Variants in ITPRIP observed in about 807,000 individuals in gnomAD.
ITPRIP encodes the protein inositol 1,4,5-trisphosphate receptor interacting protein.
In ITPRIP, 32 loss-of-function variants were observed where a neutral mutation model predicts 35.8. That is an observed-to-expected ratio of 0.89 (90% CI 0.68 to 1.20). ITPRIP has a LOEUF of 1.20. Ranked by LOEUF, ITPRIP falls within the 50% of genes most tolerant of loss-of-function variation. ITPRIP has a pLI of 0.00. For synonymous variants in ITPRIP, 358 were observed against 324.0 expected (o/e 1.11, Z -1.13); for missense variants, 653 against 735.6 (o/e 0.89, Z 1.30).
At chr10:104,327,209 C>A (rs942587471) in intron 1 of ITPRIP, among the ~76,000 whole-genome samples, 1 of 152,106 alleles carries the variant, frequency 6.6e-6, no homozygotes, top group Admixed American at 6.6e-5. Flanking sequence ...GAATCTCTCT[C>A]GTGTGCTGGC....
chr10:104,319,964 C>A (rs1423706972), intron 1 of ITPRIP, among the ~76,000 whole-genome samples: 1 of 152,108 alleles, frequency 6.6e-6, no homozygotes, highest in Non-Finnish European at 1.5e-5. Flanking sequence ...CAATAAGATA[C>A]CGAATTTCAA....
intron 1 of ITPRIP, among the ~76,000 whole-genome samples, chr10:104,329,445 C>T (rs768991587): frequency 2.0e-5 from 3 of 152,234 alleles, no homozygotes; most frequent in African/African-American, 7.2e-5. Flanking sequence ...GTCACAGGGA[C>T]GGAGCAATAA....
chr10:104,313,214 G>T lies in ITPRIP; in HGVS notation c.*1194C>A, dbSNP rs1181257075. 4 of 985,540 alleles carry T rather than the reference G, an allele frequency of 4.1e-6. No homozygotes were observed. Among genetic ancestry groups the T allele is most frequent in the Non-Finnish European group, 4.8e-6 (4 of 830,040 alleles). The allele number at this position is 985,540 out of a possible 1,614,324, so 61.0% of individuals were successfully genotyped here. Reference sequence around the variant, plus strand: ...CCCTGCCCTAGGATTGGGACCCTGAGGACAACCTGGGGCTATGACATCCTT... The same window carrying T: ...CCCTGCCCTAGGATTGGGACCCTGATGACAACCTGGGGCTATGACATCCTT... On this transcript the variant is annotated 3_prime_UTR_variant, in exon 2 of 2. Transcript: ENST00000337478.
chr10:104,331,962 T>C (rs2014158909), intron 1 of ITPRIP, among the ~76,000 whole-genome samples: 1 of 152,208 alleles, frequency 6.6e-6, no homozygotes, highest in Admixed American at 6.5e-5. Flanking sequence ...TGTGGGATTC[T>C]TTATGCCATC....
chr10:104,312,697 G>A lies in ITPRIP; in HGVS notation c.*1711C>T, dbSNP rs276208. On this transcript the variant is annotated 3_prime_UTR_variant, in exon 2 of 2. Transcript: ENST00000337478. Reference sequence around the variant, plus strand: ...TGATCACAGCCGAGCTGCCCCACCAGGAATTAACCCTGGTGGGCAAAGGGT... The same window carrying A: ...TGATCACAGCCGAGCTGCCCCACCAAGAATTAACCCTGGTGGGCAAAGGGT... The A allele has an allele frequency of 9.7e-3, 9,513 of 985,280 alleles. 748 individuals are homozygous for A. The African/African-American group carries it at 0.16, about 16-fold the overall frequency. The allele number at this position is 985,280 out of a possible 1,614,324, so 61.0% of individuals were successfully genotyped here. A position where few individuals can be genotyped will look rare whatever the true frequency, so the allele number is the denominator to read the frequency against.
intron 1 of ITPRIP, among the ~76,000 whole-genome samples, chr10:104,318,989 T>G (rs2013767718): frequency 6.6e-6 from 1 of 152,224 alleles, no homozygotes; most frequent in Non-Finnish European, 1.5e-5. Flanking sequence ...TACAAGGAAC[T>G]CTGGCAGGAT....
At position 104,313,712 on chromosome 10, in the gene ITPRIP, G is replaced by A. The variant is rs1213004127; in HGVS notation, c.*696C>T. The A allele has an allele frequency of 8.1e-6, 8 of 985,326 alleles. No individual in the cohort carries two copies. The highest frequency in any genetic ancestry group is 8.4e-6 in the Non-Finnish European group (7 of 829,966). The allele number at this position is 985,326 out of a possible 1,614,324, so 61.0% of individuals were successfully genotyped here. A position where few individuals can be genotyped will look rare whatever the true frequency, so the allele number is the denominator to read the frequency against. Reference sequence around the variant, plus strand: ...GGGGTGCACCTGAGTGAGAAGTGTAGGGTGCAGCTGAGTGAGAAGTGTAGC... The same window carrying A: ...GGGGTGCACCTGAGTGAGAAGTGTAAGGTGCAGCTGAGTGAGAAGTGTAGC... On this transcript the variant is annotated 3_prime_UTR_variant, in exon 2 of 2. Coordinates refer to ENST00000337478, the MANE Select transcript of ITPRIP (RefSeq NM_001272013.2).
Position 104,313,443 on chromosome 10 carries a change from T to G in ITPRIP, c.*965A>C. The G allele has an allele frequency of 2.0e-6, 2 of 985,840 alleles. No homozygotes were observed. Among genetic ancestry groups the G allele is most frequent in the Non-Finnish European group, 2.4e-6 (2 of 830,096 alleles). 61.1% of individuals were successfully genotyped at this position (985,840 alleles called of 1,614,324 possible). On this transcript the variant is annotated 3_prime_UTR_variant, in exon 2 of 2. Coordinates refer to ENST00000337478, the MANE Select transcript of ITPRIP (RefSeq NM_001272013.2). ...GAGTGCCATGGCCTCAGGTGCCTTG[T>G]GGTTGCCAATGAAGAAGTGATAGAG...
At chr10:104,316,987 C>T (rs538412528) in intron 1 of ITPRIP, among the ~76,000 whole-genome samples, 8 of 152,318 alleles carry the variant, frequency 5.3e-5, no homozygotes, top group East Asian at 1.9e-4. Context: ...TATTGAGAGA[C>T]GCAATGATCC....
At chr10:104,324,686 T>C (rs2013944430) in intron 1 of ITPRIP, among the ~76,000 whole-genome samples, 1 of 152,070 alleles carries the variant, frequency 6.6e-6, no homozygotes. Context: ...ATCAAGTGTC[T>C]GGGAGGGCCA....
At chr10:104,319,074 C>T (rs1186348032) in intron 1 of ITPRIP, among the ~76,000 whole-genome samples, 1 of 152,264 alleles carries the variant, frequency 6.6e-6, no homozygotes, top group African/African-American at 2.4e-5. Flanking sequence ...GGAAACAGGG[C>T]ACCAGCCTGG....
chr10:104,322,880 AAAG>A (rs2013891005), intron 1 of ITPRIP, among the ~76,000 whole-genome samples: 2 of 152,160 alleles, frequency 1.3e-5, no homozygotes, highest in African/African-American at 4.8e-5. Context: ...GTCCTCCAAG[AAAG>A]AAGGAGCCAA....
intron 1 of ITPRIP, among the ~76,000 whole-genome samples, chr10:104,337,003 A>T (rs1050511617): frequency 5.9e-5 from 9 of 152,218 alleles, no homozygotes; most frequent in African/African-American, 2.2e-4. Context: ...AGTGGAGAAA[A>T]TCCGAAGGCA....
At chr10:104,329,812 C>T (rs968210609) in intron 1 of ITPRIP, among the ~76,000 whole-genome samples, 2 of 152,206 alleles carry the variant, frequency 1.3e-5, no homozygotes, top group South Asian at 2.1e-4. Flanking sequence ...CACAGTCACT[C>T]GGCAGTGCTT....
chr10:104,330,789 C>T (rs2135209786), intron 1 of ITPRIP, among the ~76,000 whole-genome samples: 1 of 152,324 alleles, frequency 6.6e-6, no homozygotes, highest in Non-Finnish European at 1.5e-5. Context: ...CTCCATTTTA[C>T]AGATAAGGCA....
At chr10:104,316,820 T>C (rs1294909661) in intron 1 of ITPRIP, among the ~76,000 whole-genome samples, 1 of 152,188 alleles carries the variant, frequency 6.6e-6, no homozygotes, top group Non-Finnish European at 1.5e-5. Context: ...CTTCCTGCAA[T>C]ACAGTGAAGC....
intron 1 of ITPRIP, among the ~76,000 whole-genome samples, chr10:104,331,204 G>C (rs1455392920): frequency 6.6e-6 from 1 of 152,230 alleles, no homozygotes; most frequent in Non-Finnish European, 1.5e-5. Context: ...GGGTACATTA[G>C]GGACATTTTG....
intron 1 of ITPRIP, among the ~76,000 whole-genome samples, chr10:104,318,714 G>A (rs183973736): frequency 1.3e-3 from 203 of 152,352 alleles, no homozygotes; most frequent in Middle Eastern, 3.4e-3. Flanking sequence ...CTCGAGAGGA[G>A]ACAAGACTGG....
At chr10:104,336,485 A>ATT (rs1275865545) in intron 1 of ITPRIP, among the ~76,000 whole-genome samples, 2 of 18,600 alleles carry the variant, frequency 1.1e-4, no homozygotes, top group African/African-American at 4.5e-4. Flanking sequence ...CTGCCCAGTT[A>ATT]TTTTTTTTTG....
Sources: allele counts gnomAD v4.1 joint callset (sites outside exome capture counted in the v4.1 genomes callset), GRCh38; gene constraint gnomAD v4.1.1; transcripts MANE v1.5; gene names NCBI Gene and HGNC (gene_info 2026-07-23, HGNC 2026-07-21).